UBR2: variants seen among roughly 807,000 people sequenced by gnomAD.
UBR2 encodes the protein E3 ubiquitin-protein ligase UBR2.
UBR2 carries 92 observed loss-of-function variants against 247.9 expected under a neutral mutation model. The observed-to-expected ratio is 0.37, with a 90% confidence interval of 0.31 to 0.44. The LOEUF (loss-of-function observed/expected upper bound fraction) is 0.44, where lower values mean the gene tolerates loss of function less well. Ranked by LOEUF, UBR2 falls within the 20% of genes least tolerant of loss-of-function variation. The pLI, the probability that UBR2 is intolerant of heterozygous loss-of-function variation, is 1.00. For missense variants in UBR2, 1,613 were observed against 2,112.6 expected (o/e 0.76, Z 4.64); for synonymous variants, 672 against 693.5 (o/e 0.97, Z 0.49).
chr6:42,664,635 C>T (rs545658458), intron 32 of UBR2, among the ~76,000 whole-genome samples: 1 of 152,342 alleles, frequency 6.6e-6, no homozygotes, highest in Admixed American at 6.5e-5. Flanking sequence ...AGTGTAAGCT[C>T]ATGCTTTTTA....
chr6:42,564,450 G>T, intron 1 of UBR2, 53 bp downstream of exon 1: 6 of 1,574,530 alleles, frequency 3.8e-6, no homozygotes, highest in Non-Finnish European at 5.2e-6. Context: ...CCGCGCCTGT[G>T]GGGAGGAACC....
intron 32 of UBR2, 149 bp downstream of exon 32, chr6:42,663,568 C>A: frequency 1.2e-6 from 1 of 832,256 alleles, no homozygotes; most frequent in Non-Finnish European, 1.7e-6. Flanking sequence ...TCTAGCAGAC[C>A]TGTGGAATGT....
chr6:42,688,938 G>C (rs1799602222), intron 45 of UBR2, among the ~76,000 whole-genome samples: 1 of 152,162 alleles, frequency 6.6e-6, no homozygotes, highest in Admixed American at 6.5e-5. Context: ...AGCAGGGAAG[G>C]GGAATATGAA....
At position 42,644,099 on chromosome 6, in the gene UBR2, A is replaced by G. The variant is rs1796600830; in HGVS notation, c.2098-115A>G. ...TATTGGGATTGGTGAACCTTTTAGG[A>G]TTGGTAAACTGCTTTCTCTTGGGCA... On this transcript the variant is annotated intron_variant, in intron 18 of 46. Coordinates refer to ENST00000372901, the MANE Select transcript of UBR2 (RefSeq NM_001363705.2). 4 of 1,047,966 alleles carry G rather than the reference A, an allele frequency of 3.8e-6. No individual in the cohort carries two copies. The African/African-American group carries it at 6.5e-5, about 17-fold the overall frequency. The allele number at this position is 1,047,966 out of a possible 1,614,324, so 64.9% of individuals were successfully genotyped here.
At chr6:42,571,793 T>C (rs1791163814) in intron 1 of UBR2, among the ~76,000 whole-genome samples, 1 of 151,300 alleles carries the variant, frequency 6.6e-6, no homozygotes, top group Non-Finnish European at 1.5e-5. Context: ...ATTCTTGTTT[T>C]GGTTTGCTGA....
chr6:42,642,553 G>T, intron 18 of UBR2, 72 bp downstream of exon 18: 1 of 1,336,714 alleles, frequency 7.5e-7, no homozygotes. Context: ...ATAGAATTCA[G>T]TCACTTGTGA....
At chr6:42,684,412 TAAA>T (rs767838430) in intron 43 of UBR2, among the ~76,000 whole-genome samples, 1 of 142,348 alleles carries the variant, frequency 7.0e-6, no homozygotes, top group Admixed American at 7.0e-5. Flanking sequence ...CTGTCTCTAC[TAAA>T]AAAAAAAAAA....
chr6:42,682,031 G>A (rs796933340), intron 42 of UBR2, among the ~76,000 whole-genome samples: 7 of 152,250 alleles, frequency 4.6e-5, no homozygotes, highest in African/African-American at 1.7e-4. Context: ...CCAAGATTAC[G>A]CCACTGCACT....
At chr6:42,614,457 G>A (rs192350239) in intron 8 of UBR2, among the ~76,000 whole-genome samples, 2 of 27,424 alleles carry the variant, frequency 7.3e-5, no homozygotes, top group Admixed American at 4.4e-4. Context: ...TATATGTATG[G>A]AACAAATAAG....
chr6:42,603,820 G>A (rs1793533659), intron 5 of UBR2, 102 bp downstream of exon 5: 26 of 1,214,056 alleles, frequency 2.1e-5, no homozygotes, highest in East Asian at 2.8e-5. Context: ...TGAGTTTTTA[G>A]CAGAACAATA....
intron 40 of UBR2, among the ~76,000 whole-genome samples, chr6:42,677,147 G>A (rs1798763593): frequency 6.6e-6 from 1 of 152,176 alleles, no homozygotes; most frequent in African/African-American, 2.4e-5. Context: ...CTAGAGGATA[G>A]ATCAAATGTA....
intron 5 of UBR2, among the ~76,000 whole-genome samples, chr6:42,605,030 A>C (rs924357435): frequency 5.3e-5 from 8 of 152,092 alleles, no homozygotes; most frequent in East Asian, 1.9e-4. Context: ...CTATCTCAAA[A>C]AAAAAACAAA....
chr6:42,661,369 T>C (rs1007987005), intron 30 of UBR2, among the ~76,000 whole-genome samples: 1 of 152,210 alleles, frequency 6.6e-6, no homozygotes, highest in African/African-American at 2.4e-5. Flanking sequence ...ATTTAACTTA[T>C]TACTTCTGAA....
intron 8 of UBR2, among the ~76,000 whole-genome samples, chr6:42,612,840 C>T (rs1794179638): frequency 6.6e-6 from 1 of 152,206 alleles, no homozygotes; most frequent in South Asian, 2.1e-4. Flanking sequence ...ATGGCTCATG[C>T]CTGTAATCCT....
intron 42 of UBR2, among the ~76,000 whole-genome samples, chr6:42,680,162 T>C (rs115706339): frequency 0.023 from 3,441 of 152,142 alleles, 69 homozygotes; most frequent in East Asian, 0.084. Flanking sequence ...TACACCACCA[T>C]GCCTGGCTAG....
intron 36 of UBR2, among the ~76,000 whole-genome samples, chr6:42,673,154 T>A (rs181038028): frequency 6.6e-5 from 10 of 152,328 alleles, no homozygotes; most frequent in Non-Finnish European, 1.3e-4. Flanking sequence ...TGTACCACCA[T>A]CTTCTTAGAC....
At chr6:42,579,279 T>C (rs1791723703) in intron 2 of UBR2, among the ~76,000 whole-genome samples, 1 of 152,028 alleles carries the variant, frequency 6.6e-6, no homozygotes, top group African/African-American at 2.4e-5. Context: ...GCCACGCTTT[T>C]AAACAACCAG....
chr6:42,584,120 C>T (rs1792097634), intron 2 of UBR2, among the ~76,000 whole-genome samples: 1 of 151,800 alleles, frequency 6.6e-6, no homozygotes, highest in Non-Finnish European at 1.5e-5. Context: ...GCCTCAGCCT[C>T]CCGAGTAGCT....
At position 42,657,893 on chromosome 6, in the gene UBR2, AT is replaced by A. The variant is rs1467058030; in HGVS notation, c.2873-127del. On this transcript the variant is annotated intron_variant, in intron 26 of 46. Transcript: ENST00000372901. ...TTCTCAAGAAGTATTGAAAATCTCT[AT>A]TTTGGTAGAGCCATAATCAAATTAT... 3 of 618,056 alleles carry A rather than the reference AT, an allele frequency of 4.9e-6. No individual in the cohort carries two copies. In the African/African-American group the frequency reaches 5.6e-5, roughly 11 times the overall value. The allele number at this position is 618,056 out of a possible 1,614,324, so 38.3% of individuals were successfully genotyped here.
Sources: gnomAD v4.1 joint callset for allele counts (sites outside exome capture counted in the v4.1 genomes callset) on GRCh38, gnomAD v4.1.1 for gene constraint, MANE v1.5 for transcripts, NCBI Gene and HGNC (gene_info 2026-07-23, HGNC 2026-07-21) for gene names.